CHRM3: variants seen among roughly 807,000 people sequenced by gnomAD.
CHRM3 encodes the protein muscarinic acetylcholine receptor M3.
A neutral mutation model predicts 41.8 loss-of-function variants in CHRM3; 11 were observed. That is an observed-to-expected ratio of 0.26 (90% CI 0.17 to 0.44). The LOEUF is 0.44. CHRM3 is among the 20% of genes least tolerant of loss of function. The probability of loss-of-function intolerance (pLI) is 1.00; values close to 1 mark genes in which losing one functional copy is unlikely to be tolerated. For synonymous variants in CHRM3, 297 were observed against 301.4 expected (o/e 0.99, Z 0.15); for missense variants, 571 against 745.4 (o/e 0.77, Z 2.72).
intron 5 of CHRM3, among the ~76,000 whole-genome samples, chr1:239,818,684 T>C (rs1671793448): frequency 6.6e-6 from 1 of 152,216 alleles, no homozygotes; most frequent in Non-Finnish European, 1.5e-5. Context: ...CTAATTGGCT[T>C]TTATTTGCAA....
At chr1:239,394,690 A>G (rs1428370695) in intron 1 of CHRM3, among the ~76,000 whole-genome samples, 1 of 152,222 alleles carries the variant, frequency 6.6e-6, no homozygotes. Flanking sequence ...TTCACAGAGC[A>G]GTGAGATGCA....
intron 6 of CHRM3, among the ~76,000 whole-genome samples, chr1:239,838,170 A>G (rs569393314): frequency 6.6e-6 from 1 of 152,266 alleles, no homozygotes; most frequent in East Asian, 1.9e-4. Context: ...GGACTATATG[A>G]TTAATGGGAA....
At chr1:239,529,628 AAAAC>A (rs1309656206) in intron 2 of CHRM3, among the ~76,000 whole-genome samples, 12 of 46,764 alleles carry the variant, frequency 2.6e-4, no homozygotes, top group South Asian at 7.0e-4. Flanking sequence ...AAAAAAAAAA[AAAAC>A]AAACAAACAA....
chr1:239,491,741 G>A (rs114445814), intron 1 of CHRM3, among the ~76,000 whole-genome samples: 1,708 of 152,154 alleles, frequency 0.011, 30 homozygotes, highest in African/African-American at 0.038. Flanking sequence ...TCTATTTTTA[G>A]TTTTTTTGAG....
intron 1 of CHRM3, among the ~76,000 whole-genome samples, chr1:239,412,315 CTTTCTT>C (rs1258900533): frequency 2.2e-5 from 1 of 46,218 alleles, no homozygotes; most frequent in Non-Finnish European, 4.2e-5. Flanking sequence ...TCCTCCCTTC[CTTTCTT>C]CTTCCTTCCT....
chr1:239,609,319 C>T (rs1666729745), intron 3 of CHRM3, among the ~76,000 whole-genome samples: 1 of 152,190 alleles, frequency 6.6e-6, no homozygotes, highest in South Asian at 2.1e-4. Context: ...ACTTTTGTGT[C>T]TGCCAATAGT....
intron 1 of CHRM3, among the ~76,000 whole-genome samples, chr1:239,431,960 T>C (rs545527529): frequency 2.0e-5 from 3 of 152,070 alleles, no homozygotes; most frequent in African/African-American, 7.2e-5. Context: ...GAGTATAGAG[T>C]AGGAACCAGG....
chr1:239,840,009 T>C (rs976790920), intron 6 of CHRM3, among the ~76,000 whole-genome samples: 1 of 152,162 alleles, frequency 6.6e-6, no homozygotes, highest in African/African-American at 2.4e-5. Flanking sequence ...TAATTAATTA[T>C]TTTTCATTTA....
chr1:239,471,058 C>G (rs971898119), intron 1 of CHRM3, among the ~76,000 whole-genome samples: 1 of 152,152 alleles, frequency 6.6e-6, no homozygotes, highest in African/African-American at 2.4e-5. Flanking sequence ...TTTATAGAAA[C>G]AAGATTTCCT....
At chr1:239,418,805 G>T (rs1191062513) in intron 1 of CHRM3, among the ~76,000 whole-genome samples, 2 of 152,154 alleles carry the variant, frequency 1.3e-5, no homozygotes, top group Non-Finnish European at 2.9e-5. Context: ...CAGTGCCCAG[G>T]ATAATCAGTC....
At chr1:239,621,317 A>G (rs1323412241) in intron 3 of CHRM3, among the ~76,000 whole-genome samples, 2 of 152,266 alleles carry the variant, frequency 1.3e-5, no homozygotes, top group Middle Eastern at 3.4e-3. Flanking sequence ...TCACAACAAT[A>G]TTGAAATTAG....
intron 5 of CHRM3, among the ~76,000 whole-genome samples, chr1:239,700,552 A>G (rs1165866679): frequency 2.0e-5 from 3 of 152,182 alleles, no homozygotes; most frequent in Admixed American, 6.5e-5. Flanking sequence ...GAAAAGCGCT[A>G]TCAAACAAGC....
chr1:239,420,485 G>A (rs1171088585), intron 1 of CHRM3, among the ~76,000 whole-genome samples: 1 of 152,154 alleles, frequency 6.6e-6, no homozygotes, highest in Non-Finnish European at 1.5e-5. Context: ...TTCACAGCAG[G>A]GGTGAGAACC....
At chr1:239,710,599 A>G (rs1242857625) in intron 5 of CHRM3, among the ~76,000 whole-genome samples, 2 of 152,176 alleles carry the variant, frequency 1.3e-5, no homozygotes, top group African/African-American at 4.8e-5. Flanking sequence ...AGTTAAGCTT[A>G]AATTAGAATC....
intron 5 of CHRM3, among the ~76,000 whole-genome samples, chr1:239,738,363 C>T (rs1429669710): frequency 6.6e-6 from 1 of 152,174 alleles, no homozygotes; most frequent in East Asian, 1.9e-4. Flanking sequence ...AGCACCAGTG[C>T]CCTGTCGGGA....
intron 5 of CHRM3, among the ~76,000 whole-genome samples, chr1:239,767,240 ATTAAAG>A (rs1027044809): frequency 6.6e-6 from 1 of 152,146 alleles, no homozygotes; most frequent in African/African-American, 2.4e-5. Flanking sequence ...CCTAAGATAA[ATTAAAG>A]TTAAATTGTT....
At chr1:239,689,327 G>A (rs1659482372) in intron 5 of CHRM3, among the ~76,000 whole-genome samples, 1 of 151,892 alleles carries the variant, frequency 6.6e-6, no homozygotes, top group South Asian at 2.1e-4. Flanking sequence ...AGGAGGATAA[G>A]GAACCAATGT....
At chr1:239,524,244 G>A (rs970534162) in intron 2 of CHRM3, among the ~76,000 whole-genome samples, 2 of 152,064 alleles carry the variant, frequency 1.3e-5, no homozygotes, top group Non-Finnish European at 1.5e-5. Flanking sequence ...AATAGGCCTT[G>A]TGTGGTTTTC....
Position 239,895,000 on chromosome 1 carries a change from C to G in CHRM3, c.-19-12433C>G, listed in dbSNP as rs139677256. On this transcript the variant is annotated intron_variant, in intron 6 of 6. Coordinates refer to ENST00000676153, the MANE Select transcript of CHRM3 (RefSeq NM_001375978.1). ...CATTCACTGCCCTGGAAGATAAATT[C>G]GAGGGCAGCAAAGAACAATTACAAA... Among the ~76,000 whole-genome samples, 338 of 152,266 alleles carry G rather than the reference C, an allele frequency of 2.2e-3. 3 individuals are homozygous for G. The highest frequency in any genetic ancestry group is 8.0e-3 in the African/African-American group (331 of 41,544).
Sources: allele counts gnomAD v4.1 joint callset (sites outside exome capture counted in the v4.1 genomes callset), GRCh38; gene constraint gnomAD v4.1.1; transcripts MANE v1.5; gene names NCBI Gene and HGNC (gene_info 2026-07-23, HGNC 2026-07-21).